COPG2: variants seen among roughly 807,000 people sequenced by gnomAD.
The protein encoded by COPG2 is coatomer subunit gamma-2.
Under a neutral mutation model 46.3 loss-of-function variants are expected in COPG2, and 37 were observed. The ratio of observed to expected loss-of-function variants is 0.80; its 90% CI spans 0.61 to 1.05. COPG2 has a LOEUF of 1.05. Among genes scored for constraint, COPG2 ranks in the 50% least tolerant of loss-of-function variants. The probability of loss-of-function intolerance (pLI) is 0.00; values close to 1 mark genes in which losing one functional copy is unlikely to be tolerated. For missense variants in COPG2, 427 were observed against 387.8 expected, an observed-to-expected ratio of 1.10 and a Z score of -0.85; for synonymous variants, 159 against 129.7, an observed-to-expected ratio of 1.23 and a Z score of -1.53.
chr7:130,535,701 T>G, intron 20 of COPG2, among the ~76,000 whole-genome samples: 1 of 37,190 alleles, frequency 2.7e-5, no homozygotes, highest in Non-Finnish European at 5.1e-5. Flanking sequence ...GGGGCAGGGT[T>G]AGGGGCAGTG....
intron 9 of COPG2, among the ~76,000 whole-genome samples, chr7:130,592,414 G>C (rs556856534): frequency 1.4e-5 from 2 of 145,402 alleles, no homozygotes; most frequent in African/African-American, 5.2e-5. Flanking sequence ...AAAAAAAAGA[G>C]TCCAAATTTC....
intron 3 of COPG2, among the ~76,000 whole-genome samples, chr7:130,665,583 C>T (rs1796060960): frequency 6.6e-6 from 1 of 151,980 alleles, no homozygotes; most frequent in African/African-American, 2.4e-5. Flanking sequence ...AACATTGCAC[C>T]AGGTATTGTA....
At chr7:130,559,008 T>A (rs1793675653) in intron 12 of COPG2, among the ~76,000 whole-genome samples, 1 of 152,186 alleles carries the variant, frequency 6.6e-6, no homozygotes, top group African/African-American at 2.4e-5. Context: ...ATATAATTTT[T>A]AATTATGAAT....
At chr7:130,594,874 G>A (rs1554449522) in intron 9 of COPG2, among the ~76,000 whole-genome samples, 1 of 152,168 alleles carries the variant, frequency 6.6e-6, no homozygotes, top group Non-Finnish European at 1.5e-5. Context: ...ACAAGTGTTG[G>A]TGAGGATGTG....
At chr7:130,665,697 T>C (rs1796063944) in intron 3 of COPG2, among the ~76,000 whole-genome samples, 1 of 152,070 alleles carries the variant, frequency 6.6e-6, no homozygotes, top group Non-Finnish European at 1.5e-5. Context: ...ATGAGGGACT[T>C]GAGCATCTAT....
chr7:130,663,094 G>A, intron 3 of COPG2, 56 bp from the exon 4 acceptor site: 2 of 886,594 alleles, frequency 2.3e-6, no homozygotes, highest in Non-Finnish European at 3.4e-6. Context: ...TCATATATAT[G>A]TACATATACA....
intron 4 of COPG2, among the ~76,000 whole-genome samples, chr7:130,660,538 C>T (rs547243271): frequency 6.6e-6 from 1 of 152,256 alleles, no homozygotes; most frequent in East Asian, 1.9e-4. Context: ...ACTATGTCAC[C>T]TGCTACCATT....
At chr7:130,656,207 C>CT (rs550285879) in intron 4 of COPG2, among the ~76,000 whole-genome samples, 31 of 146,658 alleles carry the variant, frequency 2.1e-4, no homozygotes, top group African/African-American at 5.0e-4. Context: ...GATTTTTTAG[C>CT]TTTTTTTTTT....
chr7:130,619,543 T>C (rs1277463489), intron 5 of COPG2, among the ~76,000 whole-genome samples: 1 of 152,206 alleles, frequency 6.6e-6, no homozygotes, highest in Non-Finnish European at 1.5e-5. Context: ...ATTCTTTTTG[T>C]ATTATCATGG....
chr7:130,631,025 C>A (rs558080796), intron 5 of COPG2, among the ~76,000 whole-genome samples: 1 of 152,192 alleles, frequency 6.6e-6, no homozygotes, highest in East Asian at 1.9e-4. Flanking sequence ...AAAAAAAATC[C>A]AATCTAGCCA....
intron 4 of COPG2, among the ~76,000 whole-genome samples, chr7:130,658,483 G>A (rs1795900798): frequency 6.6e-6 from 1 of 151,882 alleles, no homozygotes; most frequent in East Asian, 1.9e-4. Context: ...CACTATATGT[G>A]TTTGTCAAAG....
chr7:130,638,626 G>C (rs374152359), intron 5 of COPG2, among the ~76,000 whole-genome samples: 1 of 152,182 alleles, frequency 6.6e-6, no homozygotes, highest in Admixed American at 6.5e-5. Context: ...TGTGCTGGCA[G>C]CAAGAATTTC....
intron 12 of COPG2, among the ~76,000 whole-genome samples, chr7:130,560,124 G>A (rs1256190643): frequency 5.9e-5 from 9 of 151,982 alleles, no homozygotes; most frequent in Admixed American, 1.3e-4. Context: ...CAAGGAATAC[G>A]TATAATGATG....
chr7:130,509,094 A>G (rs1308965862), intron 20 of COPG2: 1 of 452,610 alleles, frequency 2.2e-6, no homozygotes, highest in Non-Finnish European at 4.4e-6. Context: ...ACATTGACCA[A>G]TCTCATCAGC....
At chr7:130,514,300 G>A (rs1424519859) in intron 20 of COPG2, among the ~76,000 whole-genome samples, 1 of 152,242 alleles carries the variant, frequency 6.6e-6, no homozygotes, top group African/African-American at 2.4e-5. Context: ...AATATTGGAA[G>A]AGGAGTGGCT....
intron 9 of COPG2, among the ~76,000 whole-genome samples, chr7:130,567,146 G>T (rs912048075): frequency 6.6e-6 from 1 of 152,166 alleles, no homozygotes; most frequent in Non-Finnish European, 1.5e-5. Flanking sequence ...CACAGGGACA[G>T]AAAACCAAAT....
chr7:130,522,722 G>A (rs925963639), intron 20 of COPG2, among the ~76,000 whole-genome samples: 1 of 151,770 alleles, frequency 6.6e-6, no homozygotes, highest in Admixed American at 6.6e-5. Flanking sequence ...GTTAGAATGC[G>A]AAAAACACAA....
At chr7:130,665,798 G>C (rs1482032141) in intron 3 of COPG2, among the ~76,000 whole-genome samples, 1 of 149,012 alleles carries the variant, frequency 6.7e-6, no homozygotes, top group Non-Finnish European at 1.5e-5. Flanking sequence ...ATTTTCTAAG[G>C]CCCTAGACAT....
chr7:130,556,912 C>T (rs896716167), intron 12 of COPG2, among the ~76,000 whole-genome samples: 1 of 152,016 alleles, frequency 6.6e-6, no homozygotes, highest in East Asian at 1.9e-4. Context: ...CAGCATATTA[C>T]TTAATATGGA....
Sources: gnomAD v4.1 joint callset for allele counts (sites outside exome capture counted in the v4.1 genomes callset) on GRCh38, gnomAD v4.1.1 for gene constraint, MANE v1.5 for transcripts, NCBI Gene and HGNC (gene_info 2026-07-23, HGNC 2026-07-21) for gene names.